BLTP3B: variants seen among roughly 807,000 people sequenced by gnomAD.
BLTP3B encodes UHRF1 (ICBP90) binding protein 1-like.
At chr12:100,060,035 G>A in the BLTP3B span, 8 of 1,589,982 alleles carry the variant, frequency 5.0e-6, no homozygotes, top group Non-Finnish European at 6.8e-6. Context: ...TAGAGGTTGG[G>A]AGATGGAACT....
the BLTP3B span, chr12:100,039,909 T>C: frequency 2.6e-6 from 2 of 783,630 alleles, no homozygotes; most frequent in Admixed American, 3.9e-5. Flanking sequence ...ATGAGGATAG[T>C]AGTATGAGAT....
chr12:100,039,772 T>C, the BLTP3B span: 1 of 1,612,852 alleles, frequency 6.2e-7, no homozygotes, highest in Non-Finnish European at 8.5e-7. Context: ...TCATTTCCAG[T>C]GTTAAGCATG....
chr12:100,050,559 AT>A, the BLTP3B span, among the ~76,000 whole-genome samples: 1 of 152,138 alleles, frequency 6.6e-6, no homozygotes, highest in Non-Finnish European at 1.5e-5. Context: ...GACATAATAT[AT>A]TTTTCAAGTC....
At chr12:100,137,103 G>A in the BLTP3B span, among the ~76,000 whole-genome samples, 1,422 of 152,248 alleles carry the variant, frequency 9.3e-3, 30 homozygotes, top group African/African-American at 0.032. Context: ...AAGCCACGGC[G>A]CCCAGCCTCA....
chr12:100,068,107 G>A, the BLTP3B span, among the ~76,000 whole-genome samples: 4 of 152,092 alleles, frequency 2.6e-5, no homozygotes, highest in Admixed American at 6.6e-5. Flanking sequence ...TATACTATAA[G>A]GCCATACTCA....
At chr12:100,111,581 A>T in the BLTP3B span, among the ~76,000 whole-genome samples, 1 of 151,392 alleles carries the variant, frequency 6.6e-6, no homozygotes. Context: ...CACCATGCTC[A>T]GCTAGTTTTT....
At chr12:100,130,978 G>GGAGGGA in the BLTP3B span, among the ~76,000 whole-genome samples, 3 of 31,138 alleles carry the variant, frequency 9.6e-5, no homozygotes, top group Non-Finnish European at 1.5e-4. Context: ...AGAGAGAGAG[G>GGAGGGA]GAGGGAGAGA....
the BLTP3B span, among the ~76,000 whole-genome samples, chr12:100,062,005 T>C: frequency 6.6e-6 from 1 of 152,212 alleles, no homozygotes; most frequent in Non-Finnish European, 1.5e-5. Flanking sequence ...CCTAGTCCAT[T>C]ATGACTCATA....
the BLTP3B span, among the ~76,000 whole-genome samples, chr12:100,064,557 A>G: frequency 6.6e-6 from 1 of 152,324 alleles, no homozygotes; most frequent in African/African-American, 2.4e-5. Flanking sequence ...GGTAACCTGT[A>G]AGGGAAAATC....
chr12:100,039,749 A>G, the BLTP3B span: 41 of 1,612,958 alleles, frequency 2.5e-5, no homozygotes, highest in Non-Finnish European at 3.4e-5. Context: ...CGCTTTTGAC[A>G]TTTTCTTTCA....
the BLTP3B span, among the ~76,000 whole-genome samples, chr12:100,038,339 T>C: frequency 6.6e-6 from 1 of 152,024 alleles, no homozygotes. Flanking sequence ...TCATCAGACA[T>C]TTTCTTTTTT....
At chr12:100,091,746 C>T in the BLTP3B span, among the ~76,000 whole-genome samples, 1 of 151,618 alleles carries the variant, frequency 6.6e-6, no homozygotes, top group Non-Finnish European at 1.5e-5. Flanking sequence ...CTCAGGTGAC[C>T]CACCCGCCTC....
chr12:100,104,204 C>CTTTTTTCCT, the BLTP3B span, among the ~76,000 whole-genome samples: 19 of 131,664 alleles, frequency 1.4e-4, no homozygotes, highest in East Asian at 3.3e-3. Context: ...TTCTTTTTTT[C>CTTTTTTCCT]TTTTTTTTTT....
At chr12:100,076,013 C>T in the BLTP3B span, among the ~76,000 whole-genome samples, 1 of 151,844 alleles carries the variant, frequency 6.6e-6, no homozygotes, top group African/African-American at 2.4e-5. Flanking sequence ...ACTATGCTGA[C>T]CACCTGGATG....
the BLTP3B span, chr12:100,058,920 T>C: frequency 6.2e-7 from 1 of 1,614,030 alleles, no homozygotes; most frequent in Non-Finnish European, 8.5e-7. Context: ...TGAAGAAGGC[T>C]TCTGACCACC....
the BLTP3B span, among the ~76,000 whole-genome samples, chr12:100,118,899 A>G: frequency 1.4e-4 from 21 of 152,116 alleles, no homozygotes; most frequent in African/African-American, 5.1e-4. Flanking sequence ...TCAGGAGTTC[A>G]AAGACCAGCC....
the BLTP3B span, among the ~76,000 whole-genome samples, chr12:100,094,433 G>C: frequency 6.6e-6 from 1 of 152,074 alleles, no homozygotes. Context: ...TTTCATATTT[G>C]ACTCACCATT....
the BLTP3B span, chr12:100,058,763 T>C: frequency 6.2e-7 from 1 of 1,613,992 alleles, no homozygotes; most frequent in South Asian, 1.1e-5. Flanking sequence ...TTAAGTTCTC[T>C]GAAAGCAGGA....
chr12:100,116,616 A>G, the BLTP3B span, among the ~76,000 whole-genome samples: 8 of 152,186 alleles, frequency 5.3e-5, no homozygotes, highest in Non-Finnish European at 8.8e-5. Flanking sequence ...GACATCTACA[A>G]AAACTCTACA....
Sources: gnomAD v4.1 joint callset for allele counts (sites outside exome capture counted in the v4.1 genomes callset) on GRCh38, gnomAD v4.1.1 for gene constraint, MANE v1.5 for transcripts, NCBI Gene and HGNC (gene_info 2026-07-23, HGNC 2026-07-21) for gene names.